Variants in TENM1 observed in about 807,000 individuals in gnomAD.
TENM1 encodes the protein teneurin-1.
TENM1 carries 35 observed loss-of-function variants against 174.8 expected under a neutral mutation model. The observed-to-expected ratio is 0.20, with a 90% CI of 0.15 to 0.27. TENM1 has a LOEUF of 0.27. TENM1 is among the 10% of genes least tolerant of loss of function. The pLI, the probability that TENM1 is intolerant of heterozygous loss-of-function variation, is 1.00. For missense variants in TENM1, 1,633 were observed against 2,130.1 expected, an observed-to-expected ratio of 0.77 and a Z score of 4.59; for synonymous variants, 781 against 798.7, an observed-to-expected ratio of 0.98 and a Z score of 0.37.
intron 21 of TENM1, among the ~76,000 whole-genome samples, chrX:124,486,030 C>T (rs2046945840): frequency 8.9e-6 from 1 of 111,747 alleles, no homozygotes; most frequent in South Asian, 3.8e-4. Context: ...AGGAAGGTCC[C>T]TCCTATCAAT....
the TENM1 span, among the ~76,000 whole-genome samples, chrX:125,038,919 G>A: frequency 9.0e-6 from 1 of 111,613 alleles, no homozygotes; most frequent in African/African-American, 3.2e-5. Flanking sequence ...AATATTTGAT[G>A]CCCAACATGT....
intron 11 of TENM1, among the ~76,000 whole-genome samples, chrX:124,568,882 A>C (rs1378035086): frequency 9.0e-6 from 1 of 111,471 alleles, no homozygotes; most frequent in East Asian, 2.8e-4. Flanking sequence ...GAATCAGAAA[A>C]AAAAATTGAA....
chrX:124,691,515 C>T (rs189890462), intron 5 of TENM1, among the ~76,000 whole-genome samples: 8 of 112,175 alleles, frequency 7.1e-5, no homozygotes, highest in African/African-American at 2.6e-4. Flanking sequence ...GAGACGTAAA[C>T]ACGTTCATAC....
At chrX:124,744,383 T>G (rs2148564694) in intron 3 of TENM1, among the ~76,000 whole-genome samples, 1 of 112,180 alleles carries the variant, frequency 8.9e-6, no homozygotes, top group South Asian at 3.7e-4. Context: ...AGAGCTCTAC[T>G]TTATGGCACA....
At chrX:124,470,626 C>T in intron 22 of TENM1, among the ~76,000 whole-genome samples, 1 of 111,347 alleles carries the variant, frequency 9.0e-6, no homozygotes, top group Non-Finnish European at 1.9e-5. Context: ...CTTTCTCCTA[C>T]TCTTTTTTAA....
At chrX:124,493,600 T>C (rs2047119116) in intron 20 of TENM1, among the ~76,000 whole-genome samples, 1 of 111,319 alleles carries the variant, frequency 9.0e-6, no homozygotes, top group Non-Finnish European at 1.9e-5. Flanking sequence ...CGCTCCCATC[T>C]ATATTTGGCA....
chrX:125,178,143 GT>G, the TENM1 span, among the ~76,000 whole-genome samples: 7 of 111,355 alleles, frequency 6.3e-5, no homozygotes, highest in Non-Finnish European at 1.1e-4. Context: ...ACAGTTAAGT[GT>G]ATCTTTTCAA....
chrX:125,161,369 T>C, the TENM1 span, among the ~76,000 whole-genome samples: 1 of 112,219 alleles, frequency 8.9e-6, no homozygotes, highest in East Asian at 2.8e-4. Context: ...TATTGTTGTA[T>C]TTTTACTGTT....
the TENM1 span, among the ~76,000 whole-genome samples, chrX:125,200,654 T>TGTGAGAGAGAGAGAGAGAGA: frequency 2.3e-4 from 21 of 92,422 alleles, no homozygotes; most frequent in African/African-American, 8.4e-4. Context: ...TGTGTGTGTG[T>TGTGAGAGAGAGAGAGAGAGA]GAGAGAGAGA....
At chrX:124,536,664 AACTG>A (rs1053675627) in intron 15 of TENM1, among the ~76,000 whole-genome samples, 1 of 111,439 alleles carries the variant, frequency 9.0e-6, no homozygotes, top group African/African-American at 3.3e-5. Flanking sequence ...GCAATAAGAA[AACTG>A]ACGACACAGT....
At position 124,639,779 on chromosome X, in the gene TENM1, T is replaced by G. The variant is rs759680990; in HGVS notation, c.2077+2012A>C. ...AATAATAATAACATTAATATTATCA[T>G]TTTTAACTTAAAGCTCTAAGCCATG... On this transcript the variant is annotated intron_variant, in intron 11 of 31. Coordinates refer to ENST00000422452, the Ensembl canonical transcript of TENM1. 7.2e-5 allele frequency among the ~76,000 whole-genome samples: 8 copies of G among 111,760 alleles called. No homozygotes were observed. In the South Asian group the frequency reaches 3.0e-3, roughly 42 times the overall value.
At chrX:124,664,679 G>GGTGTGTGTGT (rs576286188) in intron 6 of TENM1, among the ~76,000 whole-genome samples, 140 of 86,964 alleles carry the variant, frequency 1.6e-3, no homozygotes, top group African/African-American at 5.1e-3. Flanking sequence ...GTACTTGTGG[G>GGTGTGTGTGT]GTGTGTGTGT....
intron 3 of TENM1, among the ~76,000 whole-genome samples, chrX:124,752,261 CA>C (rs1041660948): frequency 1.8e-5 from 2 of 110,299 alleles, no homozygotes; most frequent in African/African-American, 3.4e-5. Flanking sequence ...AGCATTTTTT[CA>C]TGTGTCTTTT....
At chrX:124,750,003 G>A (rs1474767807) in intron 3 of TENM1, among the ~76,000 whole-genome samples, 1 of 111,837 alleles carries the variant, frequency 8.9e-6, no homozygotes, top group Non-Finnish European at 1.9e-5. Context: ...ATTATTTCCA[G>A]TATGAATTTA....
chrX:124,387,291 A>C (rs2060231091), intron 28 of TENM1, among the ~76,000 whole-genome samples: 1 of 110,885 alleles, frequency 9.0e-6, no homozygotes, highest in Middle Eastern at 4.6e-3. Flanking sequence ...GGTGTTTCAT[A>C]AATATTGATT....
the TENM1 span, among the ~76,000 whole-genome samples, chrX:125,009,657 AG>A: frequency 8.9e-6 from 1 of 112,042 alleles, no homozygotes; most frequent in Non-Finnish European, 1.9e-5. Flanking sequence ...AACTGAATCC[AG>A]CAGCACATCA....
intron 6 of TENM1, among the ~76,000 whole-genome samples, chrX:124,669,081 C>G (rs1379676657): frequency 9.0e-6 from 1 of 111,630 alleles, no homozygotes; most frequent in Non-Finnish European, 1.9e-5. Flanking sequence ...TCTTTTGGTC[C>G]GATAATAACT....
At chrX:124,986,398 A>G in the TENM1 span, among the ~76,000 whole-genome samples, 1 of 111,758 alleles carries the variant, frequency 8.9e-6, no homozygotes, top group Non-Finnish European at 1.9e-5. Context: ...GAAGGCCGCT[A>G]TCCTAAGGTT....
chrX:124,772,028 TCA>T (rs1264714166), intron 3 of TENM1, among the ~76,000 whole-genome samples: 1 of 112,216 alleles, frequency 8.9e-6, no homozygotes, highest in Admixed American at 9.5e-5. Flanking sequence ...GTTTCTAGAC[TCA>T]CTGGTTTAAA....
Sources: allele counts gnomAD v4.1 joint callset (sites outside exome capture counted in the v4.1 genomes callset), GRCh38; gene constraint gnomAD v4.1.1; transcripts MANE v1.5; gene names NCBI Gene and HGNC (gene_info 2026-07-23, HGNC 2026-07-21).